Variants in COL25A1 observed in about 807,000 individuals in gnomAD.
The protein encoded by COL25A1 is collagen type XXV alpha 1 chain, also known as collagen alpha-1(XXV) chain.
Under a neutral mutation model 128.4 loss-of-function variants are expected in COL25A1, and 103 were observed. The observed-to-expected ratio is 0.80, with a 90% CI of 0.68 to 0.94. COL25A1 has a LOEUF of 0.94. Among genes scored for constraint, COL25A1 ranks in the 40% least tolerant of loss-of-function variants. The pLI is 0.00. For missense variants in COL25A1, 745 were observed against 840.0 expected (o/e 0.89, Z 1.40); for synonymous variants, 279 against 277.2 (o/e 1.01, Z -0.06).
At chr4:108,859,618 C>G in intron 24 of COL25A1, 38 bp downstream of exon 24, 2 of 1,580,774 alleles carry the variant, frequency 1.3e-6, no homozygotes, top group Non-Finnish European at 1.7e-6. Context: ...CCTCAGCATC[C>G]TTCTCAGTGT....
chr4:108,973,831 AC>A (rs1390003886), intron 8 of COL25A1, among the ~76,000 whole-genome samples: 2 of 151,614 alleles, frequency 1.3e-5, no homozygotes, highest in African/African-American at 4.9e-5. Flanking sequence ...GCTCCCTCCT[AC>A]CTGCAATGCT....
chr4:109,207,689 G>A (rs1345879432), intron 3 of COL25A1, among the ~76,000 whole-genome samples: 1 of 152,160 alleles, frequency 6.6e-6, no homozygotes, highest in Admixed American at 6.6e-5. Flanking sequence ...AATTCAAAAT[G>A]TGTGCTAATT....
At chr4:109,291,698 T>C (rs912837486) in intron 3 of COL25A1, among the ~76,000 whole-genome samples, 2 of 151,756 alleles carry the variant, frequency 1.3e-5, no homozygotes, top group Non-Finnish European at 2.9e-5. Flanking sequence ...TAAGTAAAAA[T>C]ATAAGGGAAG....
rs1045058875 is a variant in COL25A1, at chr4:108,918,321, A to G, written c.736-105T>C. 9 of 756,474 alleles carry G rather than the reference A, an allele frequency of 1.2e-5. No homozygotes were observed. In the Admixed American group the frequency reaches 2.5e-4, roughly 21 times the overall value. 46.9% of individuals were successfully genotyped at this position (756,474 alleles called of 1,614,324 possible). A position where few individuals can be genotyped will look rare whatever the true frequency, so the allele number is the denominator to read the frequency against. ...TAAGCCTTGCTAAAACATTTCTAGG[A>G]AGTCTTATTTTTCAGACCTTATCCA... is the stretch of plus-strand genomic sequence containing the variant. On this transcript the variant is annotated intron_variant, in intron 12 of 37. Coordinates refer to ENST00000399132, the MANE Select transcript of COL25A1 (RefSeq NM_198721.4).
intron 3 of COL25A1, among the ~76,000 whole-genome samples, chr4:109,104,114 T>G (rs1315145243): frequency 6.6e-6 from 1 of 152,158 alleles, no homozygotes; most frequent in African/African-American, 2.4e-5. Flanking sequence ...AGCTCATGCT[T>G]GTAATTGCAA....
In COL25A1 at chr4:108,844,532, G is replaced by A. The variant is rs774140956; in HGVS notation, c.1616C>T (p.Pro539Leu). 17 of 1,613,756 alleles carry A rather than the reference G, an allele frequency of 1.1e-5. No individual in the cohort carries two copies. In the Admixed American group the frequency reaches 1.5e-4, roughly 14 times the overall value. Residue 539 changes from proline to leucine, a missense_variant, in exon 30 of 38, where the codon CCA (proline) becomes CTA (leucine). Physicochemically the swap from Pro to Leu is moderately conservative, Grantham distance 98. Coordinates refer to ENST00000399132, the MANE Select transcript of COL25A1 (RefSeq NM_198721.4). ...AGGGAAACTTACCATGGGGCCAGGT[G>A]GGCCATGGGGACCTGGTGGGCCTGG... is the stretch of plus-strand genomic sequence containing the variant. ...GPPGPPGPHG[P>L]PGPMGPHGLP...
intron 3 of COL25A1, among the ~76,000 whole-genome samples, chr4:109,214,996 A>G (rs1777873971): frequency 6.6e-6 from 1 of 152,104 alleles, no homozygotes; most frequent in Non-Finnish European, 1.5e-5. Context: ...GTGTCTGGAG[A>G]TTTTTCCCTT....
intron 5 of COL25A1, among the ~76,000 whole-genome samples, chr4:109,029,247 C>T (rs1055728779): frequency 6.6e-6 from 1 of 152,152 alleles, no homozygotes; most frequent in South Asian, 2.1e-4. Context: ...AGTTGCACAC[C>T]ATTCTGAGTA....
At chr4:108,936,565 TCAAA>T (rs894427518) in intron 11 of COL25A1, among the ~76,000 whole-genome samples, 14 of 152,082 alleles carry the variant, frequency 9.2e-5, no homozygotes, top group Non-Finnish European at 1.8e-4. Context: ...AGACTCTGTC[TCAAA>T]CAAACAAACA....
intron 13 of COL25A1, among the ~76,000 whole-genome samples, chr4:108,917,560 G>GTAA (rs984583744): frequency 6.6e-6 from 1 of 152,218 alleles, no homozygotes; most frequent in African/African-American, 2.4e-5. Context: ...TGTTCAACTA[G>GTAA]TAAGTATGTT....
chr4:109,011,734 T>A (rs1756611084), intron 5 of COL25A1, among the ~76,000 whole-genome samples: 2 of 152,228 alleles, frequency 1.3e-5, no homozygotes, highest in South Asian at 4.1e-4. Context: ...TCACTCTGCC[T>A]TTCGGCCTAG....
intron 15 of COL25A1, among the ~76,000 whole-genome samples, chr4:108,898,885 C>CT (rs977629689): frequency 3.3e-5 from 5 of 152,162 alleles, no homozygotes; most frequent in African/African-American, 1.2e-4. Flanking sequence ...TTTTTTAAAA[C>CT]TTTTTTTAAC....
At chr4:109,206,617 A>T (rs1777019010) in intron 3 of COL25A1, among the ~76,000 whole-genome samples, 2 of 152,212 alleles carry the variant, frequency 1.3e-5, no homozygotes. Flanking sequence ...GGGTAGGTCC[A>T]GATGCTGCTC....
At chr4:109,085,832 T>A (rs1399049107) in intron 3 of COL25A1, among the ~76,000 whole-genome samples, 1 of 152,190 alleles carries the variant, frequency 6.6e-6, no homozygotes, top group East Asian at 1.9e-4. Flanking sequence ...AAGTGCTCAA[T>A]AAATATTTGT....
At chr4:109,286,171 A>C (rs1723873891) in intron 3 of COL25A1, among the ~76,000 whole-genome samples, 1 of 152,218 alleles carries the variant, frequency 6.6e-6, no homozygotes, top group Non-Finnish European at 1.5e-5. Context: ...AATATGCAAC[A>C]AACTACAGCA....
intron 24 of COL25A1, among the ~76,000 whole-genome samples, chr4:108,857,731 C>T (rs1278189431): frequency 2.0e-5 from 3 of 152,064 alleles, no homozygotes. Context: ...TTTAAAACAA[C>T]TAATTCGGCT....
chr4:109,092,850 T>C (rs1488319193), intron 3 of COL25A1, among the ~76,000 whole-genome samples: 1 of 152,180 alleles, frequency 6.6e-6, no homozygotes, highest in African/African-American at 2.4e-5. Flanking sequence ...GCTTGAGTCT[T>C]GGACCTCAAG....
intron 3 of COL25A1, among the ~76,000 whole-genome samples, chr4:109,165,997 G>A (rs546126579): frequency 6.6e-6 from 1 of 152,036 alleles, no homozygotes; most frequent in Non-Finnish European, 1.5e-5. Flanking sequence ...TTAAAAAAAT[G>A]ACTTTTTTAG....
intron 6 of COL25A1, among the ~76,000 whole-genome samples, chr4:108,982,406 A>G (rs980544227): frequency 6.6e-6 from 1 of 152,224 alleles, no homozygotes; most frequent in African/African-American, 2.4e-5. Flanking sequence ...TATGATTAAA[A>G]TAGACTAAAC....
Sources: gnomAD v4.1 joint callset for allele counts (sites outside exome capture counted in the v4.1 genomes callset) on GRCh38, gnomAD v4.1.1 for gene constraint, MANE v1.5 for transcripts, NCBI Gene and HGNC (gene_info 2026-07-23, HGNC 2026-07-21) for gene names.